The following CRPPA variants were observed in gnomAD, a reference collection of about 807,000 sequenced individuals.
CRPPA encodes D-ribitol-5-phosphate cytidylyltransferase.
Under a neutral mutation model 52.0 loss-of-function variants are expected in CRPPA, and 43 were observed. The observed-to-expected ratio is 0.83, with a 90% CI of 0.65 to 1.07. The LOEUF is 1.07. Among genes scored for constraint, CRPPA ranks in the 50% least tolerant of loss-of-function variants. The pLI is 0.00. For missense variants in CRPPA, 629 were observed against 551.7 expected (o/e 1.14, Z -1.40); for synonymous variants, 250 against 203.5 (o/e 1.23, Z -1.94).
In CRPPA at chr7:16,129,123, C is replaced by T. The variant is rs533143544; in HGVS notation, c.1252-37324G>A. ...TCAGGGGAAAATGACATTGATTTCT[C>T]TTGCCACATCACACATCATGCTCTC... is the stretch of plus-strand genomic sequence containing the variant. On this transcript the variant is annotated intron_variant, in intron 9 of 9. Coordinates refer to ENST00000407010, the MANE Select transcript of CRPPA (RefSeq NM_001101426.4). Among the ~76,000 whole-genome samples, 25 of 152,208 alleles carry T rather than the reference C, an allele frequency of 1.6e-4. No homozygotes were observed. The South Asian group carries it at 4.6e-3, about 28-fold the overall frequency.
intron 9 of CRPPA, among the ~76,000 whole-genome samples, chr7:16,208,145 T>A (rs1463636692): frequency 1.3e-5 from 2 of 152,170 alleles, no homozygotes; most frequent in Non-Finnish European, 2.9e-5. Context: ...AGCCTACCTA[T>A]GCACCCCCAT....
chr7:16,107,301 A>C (rs1323687563), intron 9 of CRPPA, among the ~76,000 whole-genome samples: 2 of 152,210 alleles, frequency 1.3e-5, no homozygotes, highest in Non-Finnish European at 2.9e-5. Flanking sequence ...GCAACCCAGA[A>C]AGAAGTTCAT....
At chr7:16,128,548 G>C (rs1352038437) in intron 9 of CRPPA, among the ~76,000 whole-genome samples, 1 of 152,110 alleles carries the variant, frequency 6.6e-6, no homozygotes, top group Non-Finnish European at 1.5e-5. Context: ...GGATAAACCA[G>C]AAGATAGGTA....
intron 8 of CRPPA, among the ~76,000 whole-genome samples, chr7:16,250,593 T>C (rs1347979144): frequency 6.6e-6 from 1 of 152,156 alleles, no homozygotes; most frequent in Non-Finnish European, 1.5e-5. Flanking sequence ...GAAAAGAATT[T>C]TCAACCCAGA....
intron 9 of CRPPA, among the ~76,000 whole-genome samples, chr7:16,155,803 C>G (rs966344888): frequency 3.3e-5 from 5 of 152,074 alleles, no homozygotes; most frequent in African/African-American, 1.2e-4. Flanking sequence ...GTCAGCACGT[C>G]AATTCCCACA....
intron 9 of CRPPA, among the ~76,000 whole-genome samples, chr7:16,199,081 G>C (rs2128392951): frequency 6.6e-6 from 1 of 152,264 alleles, no homozygotes. Context: ...TTTTACTGGA[G>C]TGCTGCTCTC....
chr7:16,128,687 G>T (rs1782626244), intron 9 of CRPPA, among the ~76,000 whole-genome samples: 2 of 152,146 alleles, frequency 1.3e-5, no homozygotes, highest in South Asian at 2.1e-4. Flanking sequence ...CCATTTCCAA[G>T]TTGTTGGCCA....
intron 4 of CRPPA, among the ~76,000 whole-genome samples, chr7:16,303,466 A>G: frequency 7.7e-6 from 1 of 129,424 alleles, no homozygotes; most frequent in South Asian, 2.4e-4. Flanking sequence ...CTGTGTTGAG[A>G]CATAAAATAG....
chr7:16,170,817 G>A (rs1781166701), intron 9 of CRPPA, among the ~76,000 whole-genome samples: 1 of 152,196 alleles, frequency 6.6e-6, no homozygotes, highest in East Asian at 1.9e-4. Flanking sequence ...GCAGCTACTG[G>A]CCCAGGTGCT....
chr7:16,115,506 T>C (rs1450699864), intron 9 of CRPPA, among the ~76,000 whole-genome samples: 2 of 152,190 alleles, frequency 1.3e-5, no homozygotes, highest in Non-Finnish European at 2.9e-5. Flanking sequence ...AATAGATATA[T>C]TTCCTAGTCC....
In CRPPA at chr7:16,419,824, C is replaced by G. The variant is rs1227120063; in HGVS notation, c.257+1242G>C. ...CCCGCCAAATTATCTTTTAAAACTC[C>G]GATCCCGAAATGCTCGATTTGAGTA... On this transcript the variant is annotated intron_variant, in intron 1 of 9. Coordinates refer to ENST00000407010, the MANE Select transcript of CRPPA (RefSeq NM_001101426.4). Among the ~76,000 whole-genome samples, 5 of 152,068 alleles carry G rather than the reference C, an allele frequency of 3.3e-5. No individual in the cohort carries two copies. In the South Asian group the frequency reaches 1.0e-3, roughly 32 times the overall value.
At chr7:16,157,724 C>T (rs1384200887) in intron 9 of CRPPA, among the ~76,000 whole-genome samples, 1 of 152,096 alleles carries the variant, frequency 6.6e-6, no homozygotes, top group Non-Finnish European at 1.5e-5. Context: ...GCCAGCATAG[C>T]ACGAAGGTCT....
intron 9 of CRPPA, among the ~76,000 whole-genome samples, chr7:16,171,405 A>C (rs1781183346): frequency 6.6e-6 from 1 of 152,168 alleles, no homozygotes; most frequent in South Asian, 2.1e-4. Context: ...TTAAACTCAA[A>C]ATTTTTCCAA....
chr7:16,100,107 C>A (rs1782012458), intron 9 of CRPPA, among the ~76,000 whole-genome samples: 1 of 152,184 alleles, frequency 6.6e-6, no homozygotes, highest in Non-Finnish European at 1.5e-5. Flanking sequence ...ACCTAATCAA[C>A]CCTTCTAACT....
chr7:16,123,421 T>C (rs143371266), intron 9 of CRPPA, among the ~76,000 whole-genome samples: 10 of 152,258 alleles, frequency 6.6e-5, no homozygotes, highest in Middle Eastern at 3.4e-3. Context: ...GTTAGAATCA[T>C]GAGAATTTGT....
chr7:16,287,568 A>C (rs1008647726), intron 5 of CRPPA, among the ~76,000 whole-genome samples: 1 of 152,114 alleles, frequency 6.6e-6, no homozygotes, highest in Non-Finnish European at 1.5e-5. Context: ...TATGGTCTTT[A>C]GGGAGATGAT....
chr7:16,258,564 T>C, intron 7 of CRPPA, 82 bp from the exon 8 acceptor site: 1 of 750,962 alleles, frequency 1.3e-6, no homozygotes, highest in East Asian at 2.8e-5. Context: ...AATGGAGAGA[T>C]TCTGCATAAC....
At chr7:16,264,176 T>C (rs1443870277) in intron 6 of CRPPA, among the ~76,000 whole-genome samples, 2 of 152,078 alleles carry the variant, frequency 1.3e-5, no homozygotes, top group African/African-American at 2.4e-5. Flanking sequence ...AAGACCACAA[T>C]AGACAACGCT....
chr7:16,316,471 T>C (rs976922357), intron 3 of CRPPA, among the ~76,000 whole-genome samples: 2 of 152,152 alleles, frequency 1.3e-5, no homozygotes, highest in African/African-American at 4.8e-5. Flanking sequence ...TTATGAGTTA[T>C]GGTTTTGTTC....
Sources: gnomAD v4.1 joint callset for allele counts (sites outside exome capture counted in the v4.1 genomes callset) on GRCh38, gnomAD v4.1.1 for gene constraint, MANE v1.5 for transcripts, NCBI Gene and HGNC (gene_info 2026-07-23, HGNC 2026-07-21) for gene names.